Variants in FRAS1 observed in about 807,000 individuals in gnomAD.
The protein encoded by FRAS1 is extracellular matrix organizing protein FRAS1.
Under a neutral mutation model 435.2 loss-of-function variants are expected in FRAS1, and 290 were observed. The observed-to-expected ratio is 0.67, with a 90% confidence interval of 0.61 to 0.73. FRAS1 has a LOEUF of 0.73. Among genes scored for constraint, FRAS1 ranks in the 30% least tolerant of loss-of-function variants. The pLI, the probability that FRAS1 is intolerant of heterozygous loss-of-function variation, is 0.00. For missense variants in FRAS1, 4,860 were observed against 5,001.5 expected (o/e 0.97, Z 0.85); for synonymous variants, 1,800 against 1,851.0 (o/e 0.97, Z 0.71).
chr4:78,357,196 T>C (rs1450481297), intron 20 of FRAS1, among the ~76,000 whole-genome samples: 1 of 152,208 alleles, frequency 6.6e-6, no homozygotes, highest in African/African-American at 2.4e-5. Flanking sequence ...GGGAGGTCTT[T>C]CCTGGCCCTT....
At position 78,165,257 on chromosome 4, in the gene FRAS1, T is replaced by C. The variant is rs138767984; in HGVS notation, c.109-72253T>C. Among the ~76,000 whole-genome samples the C allele has an allele frequency of 1.3e-4, 20 of 152,320 alleles. No individual in the cohort carries two copies. The East Asian group carries it at 3.3e-3, about 25-fold the overall frequency. ...TAGTAGGACACCTTGCCTTTTAAAATAGTGCCTTACAGTGTGTTCCAAACA... is the reference window on the plus strand; with the variant it reads ...TAGTAGGACACCTTGCCTTTTAAAACAGTGCCTTACAGTGTGTTCCAAACA... On this transcript the variant is annotated intron_variant, in intron 2 of 73. Coordinates refer to ENST00000512123, the MANE Select transcript of FRAS1 (RefSeq NM_025074.7).
chr4:78,389,362 G>C (rs1005388106), intron 29 of FRAS1, among the ~76,000 whole-genome samples: 4 of 152,250 alleles, frequency 2.6e-5, no homozygotes, highest in African/African-American at 9.6e-5. Context: ...TTTCTCATCA[G>C]TGATCACTCA....
intron 4 of FRAS1, among the ~76,000 whole-genome samples, chr4:78,250,870 A>G (rs976512648): frequency 1.4e-4 from 21 of 152,190 alleles, no homozygotes; most frequent in African/African-American, 4.8e-4. Flanking sequence ...TATTTTTTAC[A>G]ATTAATACAT....
chr4:78,464,545 A>G lies in FRAS1; in HGVS notation c.6991A>G (p.Thr2331Ala), dbSNP rs1388933207. Residue 2331 changes from threonine (T) to alanine (A), a missense_variant, in exon 49 of 74, where the codon ACA (threonine) becomes GCA (alanine). Physicochemically the swap from Thr to Ala is moderately conservative, Grantham distance 58. Transcript: ENST00000512123. Reference protein sequence around the residue: ...RVQEGMRKTITEFELKAVDAD... With the variant: ...RVQEGMRKTIAEFELKAVDAD... ...GCAGGAGGGCATGAGGAAGACCATC[A>G]CAGAGTTTGAGCTTAAGGCGGTGGA... 6.2e-7 allele frequency: 1 copy of G among 1,613,812 alleles called. No homozygotes were observed. The highest frequency in any genetic ancestry group is 8.5e-7 in the Non-Finnish European group (1 of 1,179,872).
intron 69 of FRAS1, among the ~76,000 whole-genome samples, chr4:78,525,655 T>C (rs1721511567): frequency 6.6e-6 from 1 of 152,268 alleles, no homozygotes; most frequent in Non-Finnish European, 1.5e-5. Flanking sequence ...CAAACAGTTA[T>C]AATGAAGATT....
chr4:78,318,768 T>A lies in FRAS1; in HGVS notation c.1961-42T>A, dbSNP rs376938540. ...TTAATGAAAGATTTGCAACATATATTTGATCCTTGGATTATTTTCTGCATT... is the reference window on the plus strand; with the variant it reads ...TTAATGAAAGATTTGCAACATATATATGATCCTTGGATTATTTTCTGCATT... On this transcript the variant is annotated intron_variant, in intron 17 of 73. Coordinates refer to ENST00000512123, the MANE Select transcript of FRAS1 (RefSeq NM_025074.7). The A allele has an allele frequency of 4.0e-5, 60 of 1,515,796 alleles. No individual in the cohort carries two copies. In the South Asian group the frequency reaches 7.6e-4, roughly 19 times the overall value. The allele number at this position is 1,515,796 out of a possible 1,614,324, so 93.9% of individuals were successfully genotyped here. A position where few individuals can be genotyped will look rare whatever the true frequency, so the allele number is the denominator to read the frequency against.
intron 45 of FRAS1, among the ~76,000 whole-genome samples, chr4:78,451,453 G>A (rs1719019289): frequency 6.6e-6 from 1 of 152,160 alleles, no homozygotes; most frequent in South Asian, 2.1e-4. Flanking sequence ...ATTTACACAT[G>A]GGCAGTTTTG....
chr4:78,374,592 T>C (rs113341452), intron 25 of FRAS1, among the ~76,000 whole-genome samples: 280 of 152,346 alleles, frequency 1.8e-3, no homozygotes, highest in Non-Finnish European at 3.5e-3. Context: ...ATAGAATTTT[T>C]AGTGTTTAGA....
At chr4:78,498,302 TTCAAGAC>T (rs1720568602) in intron 60 of FRAS1, among the ~76,000 whole-genome samples, 2 of 151,694 alleles carry the variant, frequency 1.3e-5, no homozygotes, top group Non-Finnish European at 2.9e-5. Context: ...AGGTTGGGAG[TTCAAGAC>T]CAGCCTGACC....
At chr4:78,525,317 A>G (rs1578373983) in intron 69 of FRAS1, among the ~76,000 whole-genome samples, 1 of 152,230 alleles carries the variant, frequency 6.6e-6, no homozygotes, top group Non-Finnish European at 1.5e-5. Context: ...AATATGGTAT[A>G]CAAAGTCTCA....
chr4:78,500,405 G>A (rs1720639906), intron 61 of FRAS1, among the ~76,000 whole-genome samples: 1 of 152,174 alleles, frequency 6.6e-6, no homozygotes, highest in African/African-American at 2.4e-5. Context: ...GGAAAAGAGA[G>A]AGATGGCGTT....
intron 2 of FRAS1, among the ~76,000 whole-genome samples, chr4:78,112,558 C>T (rs1742803229): frequency 6.6e-6 from 1 of 151,988 alleles, no homozygotes; most frequent in Non-Finnish European, 1.5e-5. Context: ...TTTTGAACTC[C>T]AGAAATGGCT....
At chr4:78,269,950 C>T (rs1328388487) in intron 9 of FRAS1, among the ~76,000 whole-genome samples, 3 of 152,092 alleles carry the variant, frequency 2.0e-5, no homozygotes, top group Admixed American at 2.0e-4. Flanking sequence ...AAGAGTGTTT[C>T]CTTTTCCAAT....
intron 59 of FRAS1, among the ~76,000 whole-genome samples, chr4:78,492,787 G>C (rs1006596274): frequency 6.6e-6 from 1 of 151,974 alleles, no homozygotes; most frequent in Non-Finnish European, 1.5e-5. Context: ...CAATGGCAAC[G>C]AAAGCCAAAA....
chr4:78,186,384 A>G (rs1417010462), intron 2 of FRAS1, among the ~76,000 whole-genome samples: 1 of 152,130 alleles, frequency 6.6e-6, no homozygotes, highest in African/African-American at 2.4e-5. Context: ...ATTTAATAGC[A>G]TATTTTGCTG....
intron 47 of FRAS1, among the ~76,000 whole-genome samples, chr4:78,462,009 G>A (rs943862598): frequency 6.6e-6 from 1 of 152,188 alleles, no homozygotes. Context: ...GGAAACTTGG[G>A]GTGATGAATT....
chr4:78,359,998 A>G (rs1245132697), intron 20 of FRAS1, among the ~76,000 whole-genome samples: 1 of 152,168 alleles, frequency 6.6e-6, no homozygotes, highest in African/African-American at 2.4e-5. Flanking sequence ...GATTTCTGGC[A>G]TCTGTGTACC....
At position 78,198,638 on chromosome 4, in the gene FRAS1, C is replaced by G. The variant is rs562760107; in HGVS notation, c.109-38872C>G. On this transcript the variant is annotated intron_variant, in intron 2 of 73. Coordinates refer to ENST00000512123, the MANE Select transcript of FRAS1 (RefSeq NM_025074.7). ...TAACTTGTTTCCACTACAGTTGACC[C>G]TTGAACAACATGGGTTTCAACTGAG... Among the ~76,000 whole-genome samples, 19 of 152,246 alleles carry G rather than the reference C, an allele frequency of 1.2e-4. No individual in the cohort carries two copies. The East Asian group carries it at 3.7e-3, about 29-fold the overall frequency.
At chr4:78,144,060 A>G (rs1720311921) in intron 2 of FRAS1, among the ~76,000 whole-genome samples, 1 of 152,004 alleles carries the variant, frequency 6.6e-6, no homozygotes, top group African/African-American at 2.4e-5. Flanking sequence ...AAATCACAAG[A>G]GAAACATTTT....
Sources: gnomAD v4.1 joint callset for allele counts (sites outside exome capture counted in the v4.1 genomes callset) on GRCh38, gnomAD v4.1.1 for gene constraint, MANE v1.5 for transcripts, NCBI Gene and HGNC (gene_info 2026-07-23, HGNC 2026-07-21) for gene names.